The following TECTB variants were observed in gnomAD, a reference collection of about 807,000 sequenced individuals.
The protein encoded by TECTB is beta-tectorin.
TECTB carries 45 observed loss-of-function variants against 43.3 expected under a neutral mutation model. The ratio of observed to expected loss-of-function variants is 1.04; its 90% confidence interval spans 0.82 to 1.33. The LOEUF is 1.33. Among genes scored for constraint, TECTB ranks in the 40% most tolerant of loss-of-function variants. The pLI is 0.00. For missense variants in TECTB, 399 were observed against 404.7 expected, an observed-to-expected ratio of 0.99 and a Z score of 0.12; for synonymous variants, 169 against 156.7, an observed-to-expected ratio of 1.08 and a Z score of -0.59.
Position 112,293,774 on chromosome 10 carries a change from G to A in TECTB, c.520G>A (p.Val174Ile), listed in dbSNP as rs1263926269. Residue 174 changes from valine (V) to isoleucine (I), a missense_variant, in exon 6 of 11, where the codon GTC becomes ATC. Physicochemically the swap from Val to Ile is conservative, Grantham distance 29 (BLOSUM62 3). Transcript: ENST00000646139. ...KFSIKKEAPF[V>I]LEASEIGSDL... is the part of the protein sequence containing the mutation. ...CTCCATCAAGAAAGAAGCTCCCTTT[G>A]TCCTGGAGGCATCCGAAATCGGTTC... The A allele has an allele frequency of 6.2e-7, 1 of 1,614,110 alleles. No homozygotes were observed. The highest frequency in any genetic ancestry group is 8.5e-7 in the Non-Finnish European group (1 of 1,180,018).
chr10:112,300,597 A>T (rs1402792317), intron 9 of TECTB, among the ~76,000 whole-genome samples: 2 of 152,200 alleles, frequency 1.3e-5, no homozygotes, highest in East Asian at 3.9e-4. Context: ...TGCACAGTTG[A>T]TCATCACTAA....
intron 3 of TECTB, among the ~76,000 whole-genome samples, chr10:112,285,647 G>A (rs1165704242): frequency 3.9e-5 from 6 of 152,146 alleles, no homozygotes; most frequent in Admixed American, 2.6e-4. Flanking sequence ...CTCAGAAATC[G>A]TGCTTATAGT....
At chr10:112,292,798 G>A (rs971582273) in intron 5 of TECTB, among the ~76,000 whole-genome samples, 3 of 147,804 alleles carry the variant, frequency 2.0e-5, no homozygotes, top group Admixed American at 6.8e-5. Context: ...CCCCCACCCC[G>A]CTCCCCACTC....
intron 8 of TECTB, 87 bp from the exon 9 acceptor site, chr10:112,299,405 A>C: frequency 1.5e-6 from 2 of 1,338,140 alleles, no homozygotes; most frequent in Non-Finnish European, 2.1e-6. Context: ...CCTTTTTAAA[A>C]TATCTTTTCT....
At chr10:112,292,147 A>G (rs949913671) in intron 5 of TECTB, among the ~76,000 whole-genome samples, 13 of 151,980 alleles carry the variant, frequency 8.6e-5, no homozygotes, top group Admixed American at 1.3e-4. Context: ...AAAAAAAAAA[A>G]AAAGAAAGAA....
intron 7 of TECTB, among the ~76,000 whole-genome samples, chr10:112,295,579 G>A (rs1005740391): frequency 6.6e-6 from 1 of 152,224 alleles, no homozygotes; most frequent in Admixed American, 6.5e-5. Flanking sequence ...TGTAGAGATG[G>A]CAGCTTAATC....
In TECTB at chr10:112,298,096, G is replaced by A. The variant is rs573285672; in HGVS notation, c.699G>A (p.Val233=). ...KGCPTDETVL[V]HENGRDHRAT... Reference sequence around the variant, plus strand: ...GCCCCACGGATGAAACCGTCCTCGTGCATGAGAATGGGAGAGATCACAGGG... The same window carrying A: ...GCCCCACGGATGAAACCGTCCTCGTACATGAGAATGGGAGAGATCACAGGG... Residue 233 remains valine (V), a synonymous_variant, in exon 8 of 11, where the codon GTG becomes GTA. Coordinates refer to ENST00000646139, the MANE Select transcript of TECTB (RefSeq NM_058222.3). The A allele has an allele frequency of 1.7e-5, 27 of 1,614,174 alleles. No homozygotes were observed. In the South Asian group the frequency reaches 3.0e-4, roughly 18 times the overall value.
At chr10:112,299,806 C>A in intron 9 of TECTB, 1 of 499,874 alleles carries the variant, frequency 2.0e-6, no homozygotes, top group East Asian at 3.2e-5. Flanking sequence ...CAAATACCCC[C>A]AAAGAATCAG....
rs1031201675 is a variant in TECTB at position 112,299,476 on chromosome 10, C to G, written c.835-16C>G. The G allele has an allele frequency of 2.5e-6, 4 of 1,613,988 alleles. No homozygotes were observed. Among genetic ancestry groups the G allele is most frequent in the Non-Finnish European group, 3.4e-6 (4 of 1,179,950 alleles). On this transcript the variant is annotated splice_polypyrimidine_tract_variant and intron_variant, in intron 8 of 10. Transcript: ENST00000646139. ...CCTTCCCCGCTTCTCTCCTGTCTGC[C>G]TCTCTGGGTCTTCAGACCTGCGATA... is the stretch of plus-strand genomic sequence containing the variant.
rs193241505 is a variant in TECTB, at chr10:112,302,717, G to A, written c.941-546G>A. ...GGGAACTGGTCTTGTGGCTACTGCCGTGAACAAGACAGACAAGGCCCCTTC... is the reference window on the plus strand; with the variant it reads ...GGGAACTGGTCTTGTGGCTACTGCCATGAACAAGACAGACAAGGCCCCTTC... On this transcript the variant is annotated intron_variant, in intron 10 of 10. Transcript: ENST00000646139. 449 of 187,684 alleles carry A rather than the reference G, an allele frequency of 2.4e-3. 2 individuals are homozygous for A. The highest frequency in any genetic ancestry group is 0.018 in the Admixed American group (307 of 17,148). The allele number at this position is 187,684 out of a possible 1,614,324, so 11.6% of individuals were successfully genotyped here.
intron 8 of TECTB, 115 bp downstream of exon 8, chr10:112,298,346 T>C: frequency 7.4e-7 from 1 of 1,354,954 alleles, no homozygotes; most frequent in Non-Finnish European, 1.0e-6. Flanking sequence ...GCTGAGGACA[T>C]CTGGAGGAAA....
intron 5 of TECTB, among the ~76,000 whole-genome samples, chr10:112,289,434 C>T (rs1207853956): frequency 6.6e-6 from 1 of 152,184 alleles, no homozygotes; most frequent in African/African-American, 2.4e-5. Flanking sequence ...TGACTTTCCA[C>T]CCAAAGCCCA....
Position 112,284,569 on chromosome 10 carries a change from C to T in TECTB, c.111C>T (p.Ile37=), listed in dbSNP as rs748250009. 6.2e-7 allele frequency: 1 copy of T among 1,611,890 alleles called. No homozygotes were observed. Residue 37 remains isoleucine, a synonymous_variant, in exon 3 of 11, where the codon ATC becomes ATT. Coordinates refer to ENST00000646139, the MANE Select transcript of TECTB (RefSeq NM_058222.3). The stretch of plus-strand genomic sequence containing the variant: ...TTGTGTTTTGCTATCCCAAAACCAT[C>T]ATCACCAAAATCCCCGAGTGTCCCT... ...VILVFCYPKT[I]ITKIPECPYG...
chr10:112,285,629 G>A (rs189478882), intron 3 of TECTB, among the ~76,000 whole-genome samples: 75 of 152,306 alleles, frequency 4.9e-4, no homozygotes, highest in African/African-American at 1.5e-3. Context: ...CAAGTCAGGC[G>A]AAAGAGTCTC....
At chr10:112,292,635 G>A (rs1240172024) in intron 5 of TECTB, among the ~76,000 whole-genome samples, 1 of 152,040 alleles carries the variant, frequency 6.6e-6, no homozygotes. Context: ...ACAGGGACAG[G>A]GTTTCGTCAT....
chr10:112,304,941 A>G lies in TECTB; in HGVS notation c.*1629A>G, dbSNP rs1293322542. 6.6e-6 allele frequency: 1 copy of G among 152,182 alleles called. No individual in the cohort carries two copies. The highest frequency in any genetic ancestry group is 1.5e-5 in the Non-Finnish European group (1 of 68,024). 9.4% of individuals were successfully genotyped at this position (152,182 alleles called of 1,614,324 possible). On this transcript the variant is annotated 3_prime_UTR_variant, in exon 11 of 11. Coordinates refer to ENST00000646139, the MANE Select transcript of TECTB (RefSeq NM_058222.3). ...AAATCCTTTGCTGTCAGAATAAACC[A>G]ATGTTGTATTAGTTTTGCTGTATTT...
rs780523405 is a variant in TECTB, at chr10:112,284,557, T to A, written c.99T>A (p.Tyr33Ter). Residue 33 changes from tyrosine to a stop codon, truncating the protein, a stop_gained, in exon 3 of 11, where the codon TAT (tyrosine) becomes TAA (stop). Transcript: ENST00000646139. LOFTEE classifies it high-confidence loss of function. ...CAGATGTCATTCTTGTGTTTTGCTA[T>A]CCCAAAACCATCATCACCAAAATCC... ...NKADVILVFCYPKTIITKIPE... is the reference protein window; with the variant it reads ...NKADVILVFC 6.2e-7 allele frequency: 1 copy of A among 1,610,468 alleles called. No individual in the cohort carries two copies. The highest frequency in any genetic ancestry group is 1.3e-5 in the African/African-American group (1 of 74,820).
chr10:112,301,407 C>CAA (rs748878707), intron 9 of TECTB, among the ~76,000 whole-genome samples: 35,463 of 132,506 alleles, frequency 0.27, 5,257 homozygotes, highest in East Asian at 0.5. Flanking sequence ...AACTCTGTCT[C>CAA]AAAAAAAAAA....
Position 112,300,279 on chromosome 10 carries a change from A to AAAGGAAAGAAAGAAAGAAAGAAAG in TECTB, c.907+717_907+718insGGAAAGAAAGAAAGAAAGAAAGAA, listed in dbSNP as rs1361291056. ...GAAAGAAAGAAAGAAAGAAAGAAAG[A>AAAGGAAAGAAAGAAAGAAAGAAAG]AAAGAAAGAAAGAAAGAAAGAAAGA... On this transcript the variant is annotated intron_variant, in intron 9 of 10. Transcript: ENST00000646139. 9.7e-4 allele frequency among the ~76,000 whole-genome samples: 47 copies of AAAGGAAAGAAAGAAAGAAAGAAAG among 48,390 alleles called. 1 individual carries two copies. The highest frequency in any genetic ancestry group is 1.9e-3 in the African/African-American group (21 of 11,238). 31.7% of individuals were successfully genotyped at this position (48,390 alleles called of 152,430 possible). A position where few individuals can be genotyped will look rare whatever the true frequency, so the allele number is the denominator to read the frequency against.
Sources: gnomAD v4.1 joint callset for allele counts (sites outside exome capture counted in the v4.1 genomes callset) on GRCh38, gnomAD v4.1.1 for gene constraint, MANE v1.5 for transcripts, NCBI Gene and HGNC (gene_info 2026-07-23, HGNC 2026-07-21) for gene names.